Variants in OLA1 observed in about 807,000 individuals in gnomAD.
The protein encoded by OLA1 is obg-like ATPase 1.
In OLA1, 14 loss-of-function variants were observed where a neutral mutation model predicts 48.4. The ratio of observed to expected loss-of-function variants is 0.29; its 90% CI spans 0.19 to 0.45. The LOEUF is 0.45. Ranked by LOEUF, OLA1 falls within the 20% of genes least tolerant of loss-of-function variation. OLA1 has a pLI of 1.00. For synonymous variants in OLA1, 127 were observed against 150.4 expected, an observed-to-expected ratio of 0.84 and a Z score of 1.14; for missense variants, 325 against 467.1, an observed-to-expected ratio of 0.70 and a Z score of 2.80.
intron 7 of OLA1, among the ~76,000 whole-genome samples, chr2:174,093,158 A>G (rs142743986): frequency 7.3e-4 from 111 of 152,294 alleles, no homozygotes; most frequent in African/African-American, 2.5e-3. Context: ...TTACAAAAAA[A>G]GCTAAATTGG....
At position 174,075,372 on chromosome 2, in the gene OLA1, T is replaced by A. The variant is rs746776961; in HGVS notation, c.*54A>T. ...TTGGTTTTCAGAAATTTTAATTTTT[T>A]AAAAATCAGATGCCTTTTGGAAGTT... On this transcript the variant is annotated 3_prime_UTR_variant, in exon 11 of 11. Transcript: ENST00000284719. 3.8e-6 allele frequency: 4 copies of A among 1,060,658 alleles called. No homozygotes were observed. Among genetic ancestry groups the A allele is most frequent in the African/African-American group, 1.6e-5 (1 of 62,026 alleles). 65.7% of individuals were successfully genotyped at this position (1,060,658 alleles called of 1,614,324 possible). A position where few individuals can be genotyped will look rare whatever the true frequency, so the allele number is the denominator to read the frequency against.
intron 4 of OLA1, among the ~76,000 whole-genome samples, chr2:174,185,118 T>A (rs1265972697): frequency 6.6e-6 from 1 of 152,190 alleles, no homozygotes; most frequent in African/African-American, 2.4e-5. Flanking sequence ...TTCCAAGTCA[T>A]GGCTCTGCTC....
intron 2 of OLA1, among the ~76,000 whole-genome samples, chr2:174,231,945 T>C (rs898324522): frequency 1.1e-4 from 16 of 152,218 alleles, no homozygotes; most frequent in Non-Finnish European, 5.9e-5. Context: ...ATATGCTTTT[T>C]GTAAAATGAG....
intron 2 of OLA1, among the ~76,000 whole-genome samples, chr2:174,232,975 G>A (rs1304619952): frequency 6.6e-6 from 1 of 152,066 alleles, no homozygotes; most frequent in Non-Finnish European, 1.5e-5. Context: ...ACAGATGAAT[G>A]GATAAAGAAA....
At chr2:174,176,825 T>C (rs1470256380) in intron 4 of OLA1, among the ~76,000 whole-genome samples, 1 of 152,216 alleles carries the variant, frequency 6.6e-6, no homozygotes, top group African/African-American at 2.4e-5. Context: ...TTATTTTAGA[T>C]GCTAAACTCA....
At chr2:174,201,291 T>A (rs1687984400) in intron 4 of OLA1, among the ~76,000 whole-genome samples, 2 of 152,218 alleles carry the variant, frequency 1.3e-5, no homozygotes, top group Non-Finnish European at 2.9e-5. Context: ...AGATCCTAGA[T>A]TAAACTCTCA....
At chr2:174,230,542 A>G (rs2105456902) in intron 2 of OLA1, among the ~76,000 whole-genome samples, 1 of 152,318 alleles carries the variant, frequency 6.6e-6, no homozygotes, top group Non-Finnish European at 1.5e-5. Flanking sequence ...AACAGGAGAA[A>G]AAAATAGTAC....
At chr2:174,082,111 CT>C (rs754587129) in intron 7 of OLA1, 47 bp from the exon 8 acceptor site, 42 of 1,578,160 alleles carry the variant, frequency 2.7e-5, no homozygotes, top group South Asian at 2.1e-4. Context: ...GCATGCATGA[CT>C]GTACCACATT....
intron 4 of OLA1, among the ~76,000 whole-genome samples, chr2:174,148,795 AT>A (rs1686675684): frequency 6.6e-6 from 1 of 151,914 alleles, no homozygotes; most frequent in South Asian, 2.1e-4. Context: ...CCCTTCTACT[AT>A]TTCTGGTTAG....
intron 4 of OLA1, among the ~76,000 whole-genome samples, chr2:174,167,561 A>G (rs1434474635): frequency 6.6e-6 from 1 of 152,194 alleles, no homozygotes; most frequent in Non-Finnish European, 1.5e-5. Context: ...GGGCAACAAG[A>G]GCAAAACTTC....
intron 4 of OLA1, among the ~76,000 whole-genome samples, chr2:174,204,179 A>C (rs556204968): frequency 1.4e-3 from 207 of 151,822 alleles, no homozygotes; most frequent in Non-Finnish European, 2.1e-3. Context: ...AGGCGGGCGG[A>C]TCACAAGATC....
At chr2:174,095,201 T>C (rs1415781240) in intron 7 of OLA1, among the ~76,000 whole-genome samples, 1 of 152,146 alleles carries the variant, frequency 6.6e-6, no homozygotes, top group Admixed American at 6.6e-5. Flanking sequence ...AGTAATTCTA[T>C]GCTTAGCTTT....
At chr2:174,213,665 A>G (rs1675531500) in intron 4 of OLA1, among the ~76,000 whole-genome samples, 1 of 152,212 alleles carries the variant, frequency 6.6e-6, no homozygotes, top group Non-Finnish European at 1.5e-5. Context: ...CCCTGCTTTC[A>G]GATAAGTTAC....
At position 174,074,543 on chromosome 2, in the gene OLA1, T is replaced by C. The variant is rs1039889291; in HGVS notation, c.*883A>G. 4.1e-4 allele frequency: 63 copies of C among 152,228 alleles called. No homozygotes were observed. Among genetic ancestry groups the C allele is most frequent in the African/African-American group, 1.4e-3 (57 of 41,462 alleles). 9.4% of individuals were successfully genotyped at this position (152,228 alleles called of 1,614,324 possible). A position where few individuals can be genotyped will look rare whatever the true frequency, so the allele number is the denominator to read the frequency against. On this transcript the variant is annotated 3_prime_UTR_variant, in exon 11 of 11. Coordinates refer to ENST00000284719, the MANE Select transcript of OLA1 (RefSeq NM_013341.5). ...TGATCTTAGTATTTCAAAATCAGTGTAGGAACTTTTATACACATTGCTGAA... is the reference window on the plus strand; with the variant it reads ...TGATCTTAGTATTTCAAAATCAGTGCAGGAACTTTTATACACATTGCTGAA...
At chr2:174,103,860 G>C (rs1685454265) in intron 7 of OLA1, among the ~76,000 whole-genome samples, 2 of 152,118 alleles carry the variant, frequency 1.3e-5, no homozygotes, top group South Asian at 4.1e-4. Flanking sequence ...TGCTATGATA[G>C]AGAACAAAAG....
chr2:174,220,038 A>G (rs1688465026), intron 4 of OLA1, among the ~76,000 whole-genome samples: 2 of 152,140 alleles, frequency 1.3e-5, no homozygotes, highest in Admixed American at 1.3e-4. Context: ...AGGTTGAGGC[A>G]CGAGAATTGC....
chr2:174,135,143 G>A (rs1241638861), intron 5 of OLA1, among the ~76,000 whole-genome samples: 1 of 131,674 alleles, frequency 7.6e-6, no homozygotes, highest in Non-Finnish European at 1.5e-5. Flanking sequence ...CTGGGCGACA[G>A]AGCAAGACTC....
chr2:174,178,753 A>G (rs1037713574), intron 4 of OLA1, among the ~76,000 whole-genome samples: 2 of 151,966 alleles, frequency 1.3e-5, no homozygotes, highest in African/African-American at 2.4e-5. Flanking sequence ...AAATTATTTT[A>G]TGTTGTAAAA....
Position 174,242,730 on chromosome 2 carries a change from C to T in OLA1, c.101+3985G>A, listed in dbSNP as rs550765713. 1.2e-4 allele frequency among the ~76,000 whole-genome samples: 19 copies of T among 152,326 alleles called. No individual in the cohort carries two copies. The East Asian group carries it at 3.5e-3, about 28-fold the overall frequency. ...TGGATAGCAACAAGAAGAGCTATCC[C>T]TCACAGAAATAAAGAAGTTTGGAAC... On this transcript the variant is annotated intron_variant, in intron 2 of 10. Coordinates refer to ENST00000284719, the MANE Select transcript of OLA1 (RefSeq NM_013341.5).
Sources: gnomAD v4.1 joint callset for allele counts (sites outside exome capture counted in the v4.1 genomes callset) on GRCh38, gnomAD v4.1.1 for gene constraint, MANE v1.5 for transcripts, NCBI Gene and HGNC (gene_info 2026-07-23, HGNC 2026-07-21) for gene names.